Variants in CDH19 observed in about 807,000 individuals in gnomAD.
The protein encoded by CDH19 is cadherin 19, also known as cadherin-19.
CDH19 carries 67 observed loss-of-function variants against 64.2 expected under a neutral mutation model. That is an observed-to-expected ratio of 1.04 (90% CI 0.86 to 1.28). The LOEUF is 1.28. CDH19 is among the 50% of genes most tolerant of loss of function. CDH19 has a pLI of 0.00. For missense variants in CDH19, 1,030 were observed against 929.0 expected, an observed-to-expected ratio of 1.11 and a Z score of -1.41; for synonymous variants, 346 against 319.3, an observed-to-expected ratio of 1.08 and a Z score of -0.89.
chr18:66,594,861 G>C (rs1459890613), intron 1 of CDH19, among the ~76,000 whole-genome samples: 2 of 107,578 alleles, frequency 1.9e-5, no homozygotes, highest in Non-Finnish European at 1.8e-5. Flanking sequence ...GTTGTGGGGT[G>C]GGGGGAGGGG....
chr18:66,583,940 A>T (rs1416873050), intron 1 of CDH19, among the ~76,000 whole-genome samples: 2 of 152,066 alleles, frequency 1.3e-5, no homozygotes, highest in Non-Finnish European at 2.9e-5. Flanking sequence ...GCATAGCAAC[A>T]GGCAAAGATT....
intron 7 of CDH19, among the ~76,000 whole-genome samples, chr18:66,538,986 G>C (rs576026038): frequency 2.6e-5 from 4 of 152,016 alleles, no homozygotes; most frequent in Non-Finnish European, 4.4e-5. Flanking sequence ...GGCCACATTC[G>C]GGTGTACTGG....
chr18:66,597,086 A>AAC (rs1374809512), intron 1 of CDH19, among the ~76,000 whole-genome samples: 2 of 147,760 alleles, frequency 1.4e-5, no homozygotes, highest in African/African-American at 4.9e-5. Flanking sequence ...CATCTCAAAA[A>AAC]AAAAAAAAAA....
intron 11 of CDH19, 55 bp from the exon 12 acceptor site, chr18:66,505,357 T>C: frequency 7.5e-7 from 1 of 1,335,908 alleles, no homozygotes; most frequent in Non-Finnish European, 1.0e-6. Context: ...ATTATAAACA[T>C]TACAGTCTTT....
At chr18:66,598,417 A>G (rs534797241) in intron 1 of CDH19, among the ~76,000 whole-genome samples, 59 of 152,270 alleles carry the variant, frequency 3.9e-4, no homozygotes, top group African/African-American at 1.3e-3. Flanking sequence ...TTTTCACAAT[A>G]GGAAAGACAT....
chr18:66,577,611 G>A (rs1277843506), intron 1 of CDH19, among the ~76,000 whole-genome samples: 2 of 151,878 alleles, frequency 1.3e-5, no homozygotes, highest in Admixed American at 1.3e-4. Flanking sequence ...CTTTGGCAAA[G>A]ATTTCTTACA....
intron 3 of CDH19, among the ~76,000 whole-genome samples, chr18:66,568,015 A>ATT (rs1987970449): frequency 6.6e-6 from 1 of 151,828 alleles, no homozygotes; most frequent in Non-Finnish European, 1.5e-5. Context: ...TATACAATAG[A>ATT]GTCTAATAAA....
At chr18:66,532,521 GAGAA>G in intron 8 of CDH19, 1 of 245,222 alleles carries the variant, frequency 4.1e-6, no homozygotes, top group Admixed American at 5.3e-5. Flanking sequence ...CACACACACA[GAGAA>G]AGAGAGAGAG....
intron 1 of CDH19, among the ~76,000 whole-genome samples, chr18:66,573,524 T>C (rs1229596614): frequency 6.6e-6 from 1 of 151,670 alleles, no homozygotes; most frequent in Non-Finnish European, 1.5e-5. Context: ...ATGTTACGTA[T>C]TTGAAATTCA....
chr18:66,526,077 C>T (rs1202189952), intron 9 of CDH19, among the ~76,000 whole-genome samples: 1 of 151,970 alleles, frequency 6.6e-6, no homozygotes, highest in Non-Finnish European at 1.5e-5. Context: ...ACTTGTTTTT[C>T]ATATTTTTAG....
intron 1 of CDH19, among the ~76,000 whole-genome samples, chr18:66,588,058 G>T (rs1219917825): frequency 6.6e-6 from 1 of 152,134 alleles, no homozygotes; most frequent in African/African-American, 2.4e-5. Context: ...TTGATTCACT[G>T]CCAGAGCCAC....
In CDH19 at chr18:66,573,362, G is replaced by A. The variant is rs147228545; in HGVS notation, c.-112-1046C>T. 8.3e-3 allele frequency among the ~76,000 whole-genome samples: 1,253 copies of A among 151,574 alleles called. 13 individuals carry two copies. The highest frequency in any genetic ancestry group is 0.028 in the African/African-American group (1,169 of 41,446). ...TAGAGATTTTTTAGGTCTTTGGCTC[G>A]TGTTAAGAGGAGTTGTTAAAAAACA... On this transcript the variant is annotated intron_variant, in intron 1 of 11. Coordinates refer to ENST00000262150, the MANE Select transcript of CDH19 (RefSeq NM_021153.4).
intron 1 of CDH19, among the ~76,000 whole-genome samples, chr18:66,591,626 T>C (rs1988749230): frequency 6.6e-6 from 1 of 151,910 alleles, no homozygotes; most frequent in African/African-American, 2.4e-5. Flanking sequence ...AAGGTTAAAA[T>C]TCTTACCTTA....
chr18:66,539,210 T>C (rs1331981016), intron 7 of CDH19, among the ~76,000 whole-genome samples: 1 of 152,162 alleles, frequency 6.6e-6, no homozygotes, highest in Non-Finnish European at 1.5e-5. Context: ...AATAATCAAG[T>C]CATCTGCAAA....
chr18:66,562,581 G>A (rs1282434208), intron 3 of CDH19, among the ~76,000 whole-genome samples: 2 of 151,990 alleles, frequency 1.3e-5, no homozygotes, highest in Non-Finnish European at 2.9e-5. Flanking sequence ...TCTGTGGCCT[G>A]GTTGTTGGGA....
intron 1 of CDH19, among the ~76,000 whole-genome samples, chr18:66,585,962 G>A (rs889678621): frequency 6.6e-6 from 1 of 151,994 alleles, no homozygotes; most frequent in East Asian, 1.9e-4. Flanking sequence ...TACGACTTAA[G>A]GGATGAAAAA....
chr18:66,504,990 G>A lies in CDH19; in HGVS notation c.2141C>T (p.Pro714Leu), dbSNP rs1427422770. 6.2e-7 allele frequency: 1 copy of A among 1,613,588 alleles called. No individual in the cohort carries two copies. Among genetic ancestry groups the A allele is most frequent in the South Asian group, 1.1e-5 (1 of 91,080 alleles). ...AGCGTAGGTCTGGAGGGAATCAAAA[G>A]GAGGGGCACACGGATCAGTATTAGC... ...EEANTDPCAP[P>L]FDSLQTYAFE... Residue 714 changes from proline to leucine, a missense_variant, in exon 12 of 12, where the codon CCT becomes CTT. Coordinates refer to ENST00000262150, the MANE Select transcript of CDH19 (RefSeq NM_021153.4).
chr18:66,603,353 T>C (rs1299100714), intron 1 of CDH19, among the ~76,000 whole-genome samples: 1 of 151,478 alleles, frequency 6.6e-6, no homozygotes, highest in Non-Finnish European at 1.5e-5. Flanking sequence ...AGAAATTACC[T>C]TTTGTGTTAT....
intron 1 of CDH19, among the ~76,000 whole-genome samples, chr18:66,582,626 TAC>T (rs1988456495): frequency 8.2e-6 from 1 of 121,274 alleles, no homozygotes; most frequent in Admixed American, 1.1e-4. Context: ...ATAATTTGCA[TAC>T]TTACTGTCAC....
Sources: gnomAD v4.1 joint callset for allele counts (sites outside exome capture counted in the v4.1 genomes callset) on GRCh38, gnomAD v4.1.1 for gene constraint, MANE v1.5 for transcripts, NCBI Gene and HGNC (gene_info 2026-07-23, HGNC 2026-07-21) for gene names.